Variants in CNNM2 observed in about 807,000 individuals in gnomAD.
CNNM2 encodes metal transporter CNNM2.
A neutral mutation model predicts 66.9 loss-of-function variants in CNNM2; 12 were observed. The observed-to-expected ratio is 0.18, with a 90% CI of 0.11 to 0.29. The LOEUF (loss-of-function observed/expected upper bound fraction) is 0.29. CNNM2 is among the 10% of genes least tolerant of loss of function. The probability of loss-of-function intolerance (pLI) is 1.00; values close to 1 mark genes in which losing one functional copy is unlikely to be tolerated. For synonymous variants in CNNM2, 557 were observed against 501.8 expected (o/e 1.11, Z -1.47); for missense variants, 705 against 1,167.7 (o/e 0.60, Z 5.77).
chr10:103,009,013 A>G (rs1590387626), intron 1 of CNNM2, among the ~76,000 whole-genome samples: 1 of 152,282 alleles, frequency 6.6e-6, no homozygotes, highest in African/African-American at 2.4e-5. Flanking sequence ...ACGGTGGCCC[A>G]CACCTGTAAT....
intron 1 of CNNM2, among the ~76,000 whole-genome samples, chr10:103,038,486 A>AG (rs1183519954): frequency 2.6e-5 from 4 of 152,196 alleles, no homozygotes; most frequent in Non-Finnish European, 5.9e-5. Context: ...CTACTGTCAG[A>AG]GTTGTTCAAG....
At chr10:103,037,905 T>G (rs1427875581) in intron 1 of CNNM2, among the ~76,000 whole-genome samples, 1 of 152,080 alleles carries the variant, frequency 6.6e-6, no homozygotes, top group Non-Finnish European at 1.5e-5. Context: ...AGTGGTGCAA[T>G]CTTGGCTCAC....
rs756913240 is a variant in CNNM2, at chr10:103,089,776, T to C, written c.*12596T>C. The C allele has an allele frequency of 6.8e-6, 11 of 1,613,982 alleles. No individual in the cohort carries two copies. In the East Asian group the frequency reaches 1.3e-4, roughly 20 times the overall value. ...AGGTTGGGAGGTTTAATCTCACTAA[T>C]TGACCGTGTCAGCTGGTGCCGCTTG... is the stretch of plus-strand genomic sequence containing the variant. On this transcript the variant is annotated 3_prime_UTR_variant, in exon 8 of 8. Transcript: ENST00000369878.
chr10:102,945,806 T>A (rs1846597545), intron 1 of CNNM2, among the ~76,000 whole-genome samples: 1 of 152,220 alleles, frequency 6.6e-6, no homozygotes, highest in Admixed American at 6.5e-5. Context: ...TTTCTTTTTT[T>A]CCCTTTGGGT....
At chr10:103,068,836 AC>A (rs1040312683) in intron 5 of CNNM2, 114 bp downstream of exon 5, 78 of 795,716 alleles carry the variant, frequency 9.8e-5, no homozygotes, top group Non-Finnish European at 2.8e-5. Flanking sequence ...TCCTTTTTGA[AC>A]TTTTTTTTTG....
chr10:102,926,778 C>T (rs532684426), intron 1 of CNNM2, among the ~76,000 whole-genome samples: 2 of 146,308 alleles, frequency 1.4e-5, no homozygotes, highest in African/African-American at 5.1e-5. Context: ...TGCAGTGGCA[C>T]GATATCGGCT....
In CNNM2 at chr10:102,970,877, G is replaced by C. The variant is rs184112672; in HGVS notation, c.1621+50776G>C. Among the ~76,000 whole-genome samples, 457 of 152,164 alleles carry C rather than the reference G, an allele frequency of 3.0e-3. 1 individual carries two copies. Among genetic ancestry groups the C allele is most frequent in the African/African-American group, 7.8e-3 (323 of 41,508 alleles). ...CTGTTTTGTAATGTGTTCTTTCCTG[G>C]CTTGGTGACTCTAGTTAAAGTTAGT... On this transcript the variant is annotated intron_variant, in intron 1 of 7. Coordinates refer to ENST00000369878, the MANE Select transcript of CNNM2 (RefSeq NM_017649.5).
Position 102,940,734 on chromosome 10 carries a change from T to A in CNNM2, c.1621+20633T>A, listed in dbSNP as rs372162999. On this transcript the variant is annotated intron_variant, in intron 1 of 7. Transcript: ENST00000369878. The stretch of plus-strand genomic sequence containing the variant: ...CGCCTGGTCCTTATTTTATTATTAT[T>A]TTTTTGAGATGGAGTCTCGTTCTGT... Among the ~76,000 whole-genome samples, 7 of 151,332 alleles carry A rather than the reference T, an allele frequency of 4.6e-5. No homozygotes were observed. In the East Asian group the frequency reaches 1.2e-3, roughly 25 times the overall value.
chr10:102,931,694 G>A (rs1261680427), intron 1 of CNNM2, among the ~76,000 whole-genome samples: 2 of 151,930 alleles, frequency 1.3e-5, no homozygotes, highest in East Asian at 1.9e-4. Context: ...ATATATACAC[G>A]GGAATAGAAT....
rs538322852 is a variant in CNNM2, at chr10:103,003,094, A to G, written c.1622-46613A>G. 7.4e-5 allele frequency among the ~76,000 whole-genome samples: 11 copies of G among 148,962 alleles called. No homozygotes were observed. In the South Asian group the frequency reaches 2.4e-3, roughly 32 times the overall value. On this transcript the variant is annotated intron_variant, in intron 1 of 7. Coordinates refer to ENST00000369878, the MANE Select transcript of CNNM2 (RefSeq NM_017649.5). ...CCATAAAAAGGAATGAAGTATGCAT[A>G]CATGCTATAACATGTGTGAATCTTT...
chr10:103,003,900 TATG>T (rs1278271091), intron 1 of CNNM2, among the ~76,000 whole-genome samples: 1 of 152,010 alleles, frequency 6.6e-6, no homozygotes, highest in East Asian at 1.9e-4. Context: ...ATTCTTCTGA[TATG>T]ATTTCTTTTA....
At chr10:103,002,500 A>G (rs921073590) in intron 1 of CNNM2, among the ~76,000 whole-genome samples, 1 of 111,426 alleles carries the variant, frequency 9.0e-6, no homozygotes, top group African/African-American at 3.4e-5. Context: ...TTTTTTTGAG[A>G]CAGAGTTTCG....
rs370306252 is a variant in CNNM2, at chr10:103,064,909, C to T, written c.2074-3720C>T. Among the ~76,000 whole-genome samples the T allele has an allele frequency of 2.0e-4, 30 of 152,232 alleles. No homozygotes were observed. The East Asian group carries it at 3.7e-3, about 19-fold the overall frequency. ...TTATGAAAAAAAAATTTGGCAACCC[C>T]GTATCTTTCCCTGTATCTGTCTCTG... On this transcript the variant is annotated intron_variant, in intron 4 of 7. Coordinates refer to ENST00000369878, the MANE Select transcript of CNNM2 (RefSeq NM_017649.5).
Position 103,056,663 on chromosome 10 carries a change from G to A in CNNM2, c.1904-132G>A, listed in dbSNP as rs529746736. 4.9e-5 allele frequency: 41 copies of A among 832,646 alleles called. No homozygotes were observed. The African/African-American group carries it at 6.0e-4, about 12-fold the overall frequency. The allele number at this position is 832,646 out of a possible 1,614,324, so 51.6% of individuals were successfully genotyped here. ...ATCTGTCCCCAGTGGATCACCAAAC[G>A]GAAGCCTCGTCCATTCAAATGCTAT... is the stretch of plus-strand genomic sequence containing the variant. On this transcript the variant is annotated intron_variant, in intron 3 of 7. Coordinates refer to ENST00000369878, the MANE Select transcript of CNNM2 (RefSeq NM_017649.5).
In CNNM2 at chr10:103,056,859, C is replaced by T. The variant is rs1452732477; in HGVS notation, c.1968C>T (p.Pro656=). The change falls in exon 4 of 8, where the codon CCC becomes CCT. Residue 656 remains proline (P), a synonymous_variant. Coordinates refer to ENST00000369878, the MANE Select transcript of CNNM2 (RefSeq NM_017649.5). ...TCCTTCTAAGGCTGCTAAAGCACCC[C>T]AATGTCATCCAGGAACTGAAATATG... The part of the protein sequence containing the change: ...EKILLRLLKH[P]NVIQELKYDE... 1 of 1,613,988 alleles carries T rather than the reference C, an allele frequency of 6.2e-7. No individual in the cohort carries two copies. Among genetic ancestry groups the T allele is most frequent in the Admixed American group, 1.7e-5 (1 of 60,028 alleles).
Position 102,919,527 on chromosome 10 carries a change from C to T in CNNM2, c.1047C>T (p.Thr349=), listed in dbSNP as rs1845547480. The change falls in exon 1 of 8, where the codon ACC becomes ACT. Residue 349 remains threonine, a synonymous_variant. Coordinates refer to ENST00000369878, the MANE Select transcript of CNNM2 (RefSeq NM_017649.5). ...GSGLVAVVVS[T]IGIVIFGEIV... ...GCCTCGTGGCCGTGGTAGTCTCCAC[C>T]ATCGGTATCGTCATCTTCGGAGAGA... 2 of 1,613,280 alleles carry T rather than the reference C, an allele frequency of 1.2e-6. No individual in the cohort carries two copies. Among genetic ancestry groups the T allele is most frequent in the Non-Finnish European group, 1.7e-6 (2 of 1,180,042 alleles).
intron 1 of CNNM2, chr10:102,927,411 C>A: frequency 6.2e-7 from 1 of 1,613,388 alleles, no homozygotes; most frequent in Non-Finnish European, 8.5e-7. Flanking sequence ...AGCATTCTTT[C>A]TTTCAACATC....
At chr10:102,935,239 G>A (rs2134171399) in intron 1 of CNNM2, among the ~76,000 whole-genome samples, 1 of 151,878 alleles carries the variant, frequency 6.6e-6, no homozygotes, top group South Asian at 2.1e-4. Context: ...GGAGGTGGGA[G>A]GATTGCTTGA....
chr10:102,985,348 A>C (rs1029646447), intron 1 of CNNM2, among the ~76,000 whole-genome samples: 2 of 152,146 alleles, frequency 1.3e-5, no homozygotes, highest in Non-Finnish European at 2.9e-5. Context: ...TTTAAAAAGA[A>C]TTTTAAAATT....
Sources: allele counts gnomAD v4.1 joint callset (sites outside exome capture counted in the v4.1 genomes callset), GRCh38; gene constraint gnomAD v4.1.1; transcripts MANE v1.5; gene names NCBI Gene and HGNC (gene_info 2026-07-23, HGNC 2026-07-21).